RAD17: variants seen among roughly 807,000 people sequenced by gnomAD.
RAD17 encodes the protein RAD17 checkpoint clamp loader component, also known as cell cycle checkpoint protein RAD17.
In RAD17, 31 loss-of-function variants were observed where a neutral mutation model predicts 81.5. The ratio of observed to expected loss-of-function variants is 0.38; its 90% CI spans 0.29 to 0.51. The LOEUF (loss-of-function observed/expected upper bound fraction) is 0.51. Ranked by LOEUF, RAD17 falls within the 20% of genes least tolerant of loss-of-function variation. RAD17 has a pLI of 0.88. For missense variants in RAD17, 681 were observed against 781.2 expected (o/e 0.87, Z 1.53); for synonymous variants, 261 against 266.2 (o/e 0.98, Z 0.19).
chr5:69,369,319 C>T, upstream of RAD17: 3 of 856,966 alleles, frequency 3.5e-6, no homozygotes, highest in Middle Eastern at 3.8e-4. Context: ...AGGGTCGGCT[C>T]CCGGGGCGCT....
chr5:69,410,965 C>CCATATATATATATATA lies in RAD17; in HGVS notation c.1751+415_1751+416insCATATATATATATATA, dbSNP rs1554044687. Among the ~76,000 whole-genome samples, 210 of 90,218 alleles carry CCATATATATATATATA rather than the reference C, an allele frequency of 2.3e-3. 7 individuals are homozygous for CCATATATATATATATA. Among genetic ancestry groups the CCATATATATATATATA allele is most frequent in the East Asian group, 5.6e-3 (16 of 2,870 alleles). 59.2% of individuals were successfully genotyped at this position (90,218 alleles called of 152,430 possible). ...AAACAAGCAAAAAATAGATGTCTGT[C>CCATATATATATATATA]TATATATATATATATATATATATAT... On this transcript the variant is annotated intron_variant, in intron 18 of 18. Transcript: ENST00000354868.
rs1293946403 is a variant in RAD17 at position 69,377,585 on chromosome 5, ACATATATATATG to A, written c.351+2887_351+2898del. Among the ~76,000 whole-genome samples the A allele has an allele frequency of 6.4e-5, 2 of 31,118 alleles. 1 individual carries two copies. Among genetic ancestry groups the A allele is most frequent in the Non-Finnish European group, 1.4e-4 (2 of 14,144 alleles). The allele number at this position is 31,118 out of a possible 152,430, so 20.4% of individuals were successfully genotyped here. ...TATATATATATGCATATATATGTAT[ACATATATATATG>A]CATATATATATGTATACATATATAT... On this transcript the variant is annotated intron_variant, in intron 6 of 18. Transcript: ENST00000354868.
intron 17 of RAD17, among the ~76,000 whole-genome samples, chr5:69,403,662 A>G (rs1473787527): frequency 1.3e-5 from 2 of 152,198 alleles, no homozygotes; most frequent in African/African-American, 2.4e-5. Flanking sequence ...GCTCATGCCT[A>G]TAATCCCAGA....
chr5:69,393,571 T>A, intron 15 of RAD17, 71 bp downstream of exon 15: 5 of 1,351,802 alleles, frequency 3.7e-6, no homozygotes, highest in Non-Finnish European at 5.1e-6. Flanking sequence ...AAGTTTACTT[T>A]TATCCCTAAT....
At chr5:69,389,334 A>G (rs1764403793) in intron 12 of RAD17, among the ~76,000 whole-genome samples, 189 bp downstream of exon 12, 1 of 152,232 alleles carries the variant, frequency 6.6e-6, no homozygotes, top group Admixed American at 6.5e-5. Context: ...ATGTCGTAGT[A>G]TATATCCTTG....
At chr5:69,369,502 C>G (rs1561226258), upstream of RAD17, 5 of 1,611,336 alleles carry the variant, frequency 3.1e-6, no homozygotes, top group South Asian at 4.4e-5. Flanking sequence ...GTCCCCGCCG[C>G]GACGGCTTCG....
chr5:69,406,511 C>G (rs1765611949), intron 17 of RAD17, among the ~76,000 whole-genome samples: 2 of 151,854 alleles, frequency 1.3e-5, no homozygotes, highest in South Asian at 4.2e-4. Flanking sequence ...GGTTTTGTTT[C>G]TTTTTTTGAG....
rs61758780 is a variant in RAD17, at chr5:69,391,933, A to G, written c.1109A>G (p.Asn370Ser). Reference protein sequence around the residue: ...RRKKPDRVFENQEVQAIGGKD... With the variant: ...RRKKPDRVFESQEVQAIGGKD... The stretch of plus-strand genomic sequence containing the variant: ...AAAAAACCTGATAGGGTTTTTGAAA[A>G]TCAAGAGGTCCAAGCTATTGGTGGC... Residue 370 changes from asparagine (N) to serine (S), a missense_variant, in exon 13 of 19, where the codon AAT (asparagine) becomes AGT (serine). By Grantham distance (46) the Asn-to-Ser change is conservative. Transcript: ENST00000354868. 68 of 1,598,168 alleles carry G rather than the reference A, an allele frequency of 4.3e-5. No homozygotes were observed. The South Asian group carries it at 4.3e-4, about 10-fold the overall frequency.
At chr5:69,376,927 T>C (rs1303082059) in intron 6 of RAD17, among the ~76,000 whole-genome samples, 1 of 152,164 alleles carries the variant, frequency 6.6e-6, no homozygotes, top group African/African-American at 2.4e-5. Context: ...CTAATTTTTG[T>C]ATTTTTAATA....
At chr5:69,390,817 G>A (rs982032341) in intron 12 of RAD17, among the ~76,000 whole-genome samples, 4 of 151,196 alleles carry the variant, frequency 2.6e-5, no homozygotes, top group East Asian at 3.9e-4. Flanking sequence ...TATATAGCCA[G>A]CATGGTGGTG....
At chr5:69,399,997 ATATTTT>A in intron 16 of RAD17, 46 bp from the exon 17 acceptor site, 1 of 1,248,478 alleles carries the variant, frequency 8.0e-7, no homozygotes, top group Non-Finnish European at 1.1e-6. Context: ...CTAGGAATAC[ATATTTT>A]TAATTTCATT....
intron 3 of RAD17, 134 bp from the exon 4 acceptor site, chr5:69,371,900 A>C: frequency 2.4e-6 from 1 of 410,392 alleles, no homozygotes; most frequent in Non-Finnish European, 4.1e-6. Context: ...TCAGCAAGAT[A>C]GGGGTTAAGG....
intron 15 of RAD17, 145 bp from the exon 16 acceptor site, chr5:69,396,252 G>A (rs1313564681): frequency 1.3e-6 from 1 of 779,366 alleles, no homozygotes; most frequent in Admixed American, 3.3e-5. Context: ...TAAGTTTATA[G>A]TGCTGTTATT....
At position 69,381,937 on chromosome 5, in the gene RAD17, T is replaced by A. The variant is rs1427415096; in HGVS notation, c.388T>A (p.Cys130Ser). ...SILLITGPPG[C>S]GKTTTLKILS... ...TTTATTAATAACAGGTCCTCCTGGATGTGGAAAGACAACGACCTTAAAAAT... is the reference window on the plus strand; with the variant it reads ...TTTATTAATAACAGGTCCTCCTGGAAGTGGAAAGACAACGACCTTAAAAAT... Residue 130 changes from cysteine (C) to serine (S), a missense_variant, in exon 7 of 19, where the codon TGT becomes AGT. Physicochemically the swap from Cys to Ser is moderately radical, Grantham distance 112. Coordinates refer to ENST00000354868, the MANE Select transcript of RAD17 (RefSeq NM_133338.3). The A allele has an allele frequency of 6.2e-7, 1 of 1,606,944 alleles. No individual in the cohort carries two copies. The highest frequency in any genetic ancestry group is 1.1e-5 in the South Asian group (1 of 90,306).
chr5:69,393,495 T>C lies in RAD17; in HGVS notation c.1417T>C (p.Trp473Arg), dbSNP rs767064843. Reference sequence around the variant, plus strand: ...TTTTGCAGATATCCTCAGTGGTGACTGGAATGTAAGACCATTTGACTTAAA... The same window carrying C: ...TTTTGCAGATATCCTCAGTGGTGACCGGAATGTAAGACCATTTGACTTAAA... ...LSFADILSGD[W>R]NTRSLLREYS... Residue 473 changes from tryptophan to arginine, a missense_variant, in exon 15 of 19, where the codon TGG becomes CGG. Trp to Arg is a moderately radical substitution (Grantham distance 101). Transcript: ENST00000354868. The C allele has an allele frequency of 2.1e-5, 33 of 1,600,202 alleles. No homozygotes were observed. The highest frequency in any genetic ancestry group is 1.3e-4 in the Admixed American group (7 of 55,016).
rs376862416 is a variant in RAD17 at position 69,400,052 on chromosome 5, C to T, written c.1576C>T (p.Arg526Trp). The change falls in exon 17 of 19, where the codon CGG becomes TGG. Residue 526 changes from arginine to tryptophan, a missense_variant. By Grantham distance (101) the Arg-to-Trp change is moderately radical (BLOSUM62 -3). Transcript: ENST00000354868. ...PQWFLINKKYRENCLAAKALF... is the reference protein window; with the variant it reads ...PQWFLINKKYWENCLAAKALF... Reference sequence around the variant, plus strand: ...TTTTTTTTTCTTTTCTATACAGTATCGGGAAAATTGCCTGGCAGCAAAAGC... The same window carrying T: ...TTTTTTTTTCTTTTCTATACAGTATTGGGAAAATTGCCTGGCAGCAAAAGC... 44 of 1,579,568 alleles carry T rather than the reference C, an allele frequency of 2.8e-5. No individual in the cohort carries two copies. The highest frequency in any genetic ancestry group is 5.3e-5 in the Admixed American group (3 of 56,338).
chr5:69,385,210 G>A (rs978279778), intron 8 of RAD17, among the ~76,000 whole-genome samples: 4 of 150,084 alleles, frequency 2.7e-5, no homozygotes, highest in Middle Eastern at 7.1e-3. Flanking sequence ...TATGCCCACC[G>A]TGGCCTCCCA....
At chr5:69,396,640 C>G (rs1338979239) in intron 16 of RAD17, 94 bp downstream of exon 16, 1 of 1,233,950 alleles carries the variant, frequency 8.1e-7, no homozygotes, top group African/African-American at 1.5e-5. Flanking sequence ...TAAAACATAA[C>G]AAAGGAAAAA....
intron 17 of RAD17, among the ~76,000 whole-genome samples, chr5:69,405,815 C>T (rs1472674339): frequency 1.3e-5 from 2 of 151,954 alleles, no homozygotes; most frequent in Non-Finnish European, 2.9e-5. Flanking sequence ...GCGAGGCAGG[C>T]GGATCACTTG....
Sources: gnomAD v4.1 joint callset for allele counts (sites outside exome capture counted in the v4.1 genomes callset) on GRCh38, gnomAD v4.1.1 for gene constraint, MANE v1.5 for transcripts, NCBI Gene and HGNC (gene_info 2026-07-23, HGNC 2026-07-21) for gene names.